The following TBC1D2B variants were observed in gnomAD, a reference collection of about 807,000 sequenced individuals.
TBC1D2B encodes TBC1 domain family member 2B.
TBC1D2B carries 64 observed loss-of-function variants against 100.8 expected under a neutral mutation model. That is an observed-to-expected ratio of 0.64 (90% CI 0.52 to 0.78). The LOEUF (loss-of-function observed/expected upper bound fraction) is 0.78. TBC1D2B is among the 30% of genes least tolerant of loss of function. TBC1D2B has a pLI of 0.00. For synonymous variants in TBC1D2B, 480 were observed against 479.7 expected (o/e 1.00, Z -0.01); for missense variants, 1,052 against 1,218.4 (o/e 0.86, Z 2.03).
intron 9 of TBC1D2B, among the ~76,000 whole-genome samples, chr15:78,011,144 C>T (rs1436665521): frequency 2.6e-5 from 4 of 152,174 alleles, no homozygotes; most frequent in Non-Finnish European, 5.9e-5. Context: ...CTAGGAGTAG[C>T]TATAGTCCCT....
At chr15:78,026,944 G>T (rs534683097) in intron 4 of TBC1D2B, among the ~76,000 whole-genome samples, 3 of 151,602 alleles carry the variant, frequency 2.0e-5, no homozygotes, top group African/African-American at 7.3e-5. Context: ...CGTCAGGCCA[G>T]GCACAGTGGT....
rs746870720 is a variant in TBC1D2B, at chr15:78,016,574, G to A, written c.1747C>T (p.Gln583Ter). 6.2e-7 allele frequency: 1 copy of A among 1,612,776 alleles called. No homozygotes were observed. Among genetic ancestry groups the A allele is most frequent in the Non-Finnish European group, 8.5e-7 (1 of 1,179,588 alleles). The change falls in exon 8 of 13, where the codon CAA (glutamine) becomes TAA (stop). Residue 583 changes from glutamine (Q) to a stop codon, truncating the protein, a stop_gained. Transcript: ENST00000300584. LOFTEE classifies it high-confidence loss of function. ...LQVESQEQPE[Q>*]AFVKPHLVSE... ...ACAAGATGAGGTTTAACAAATGCTTGCTCCGGCTGCTCTTGGCTCTCAACC... is the reference window on the plus strand; with the variant it reads ...ACAAGATGAGGTTTAACAAATGCTTACTCCGGCTGCTCTTGGCTCTCAACC...
chr15:78,004,570 G>A (rs768675746), intron 10 of TBC1D2B, among the ~76,000 whole-genome samples: 10 of 152,172 alleles, frequency 6.6e-5, no homozygotes, highest in South Asian at 2.1e-4. Flanking sequence ...CCCACTCCAC[G>A]TGAACCGGTA....
chr15:78,052,321 A>C (rs1378981477), intron 2 of TBC1D2B, among the ~76,000 whole-genome samples: 1 of 152,158 alleles, frequency 6.6e-6, no homozygotes, highest in Non-Finnish European at 1.5e-5. Flanking sequence ...CCATGGTACC[A>C]GCATGCACCC....
intron 10 of TBC1D2B, among the ~76,000 whole-genome samples, chr15:78,003,969 T>C (rs1369862779): frequency 6.6e-6 from 1 of 152,018 alleles, no homozygotes; most frequent in Non-Finnish European, 1.5e-5. Context: ...GCAGTGGGGG[T>C]GGCGAGGACT....
chr15:78,038,704 C>T (rs556471635), intron 3 of TBC1D2B, among the ~76,000 whole-genome samples: 2 of 152,332 alleles, frequency 1.3e-5, no homozygotes, highest in South Asian at 2.1e-4. Flanking sequence ...CAACCGGAGA[C>T]ATGGCCCAAT....
At position 77,998,370 on chromosome 15, in the gene TBC1D2B, G is replaced by A. The variant is rs151332635; in HGVS notation, c.2697-15C>T. The A allele has an allele frequency of 1.2e-3, 1,817 of 1,556,760 alleles. 26 individuals are homozygous for A. The African/African-American group carries it at 0.022, about 19-fold the overall frequency. ...TGATCAGCTTCCTGGCAGGACGCAG[G>A]GGAGAGACAAGAGAATCAGCGGCGC... On this transcript the variant is annotated splice_polypyrimidine_tract_variant and intron_variant, in intron 12 of 12. Coordinates refer to ENST00000300584, the MANE Select transcript of TBC1D2B (RefSeq NM_144572.2).
intron 1 of TBC1D2B, among the ~76,000 whole-genome samples, chr15:78,063,127 C>T (rs2073583157): frequency 6.6e-6 from 1 of 152,182 alleles, no homozygotes; most frequent in Non-Finnish European, 1.5e-5. Context: ...CGATAACCCA[C>T]TTAACATGTG....
At chr15:77,999,155 C>A in intron 12 of TBC1D2B, 1 of 389,876 alleles carries the variant, frequency 2.6e-6, no homozygotes, top group Non-Finnish European at 5.3e-6. Context: ...CTGCCAGGCC[C>A]CAAATGCTTT....
At position 78,003,482 on chromosome 15, in the gene TBC1D2B, C is replaced by T; in HGVS notation, c.2397G>A (p.Gln799=). 5 of 1,607,530 alleles carry T rather than the reference C, an allele frequency of 3.1e-6. No homozygotes were observed. Among genetic ancestry groups the T allele is most frequent in the Non-Finnish European group, 3.4e-6 (4 of 1,174,406 alleles). Residue 799 remains glutamine (Q), a synonymous_variant, in exon 11 of 13, where the codon CAG becomes CAA. Transcript: ENST00000300584. ...TKTLLGSQVD[Q]RVFRDLMSEK... is the part of the protein sequence containing the mutation. ...CACTCATAAGGTCTCTGAACACCCG[C>T]TGGTCCACCTGGAGAGGGAACAAAG...
Position 77,998,671 on chromosome 15 carries a change from G to C in TBC1D2B, c.2697-316C>G, listed in dbSNP as rs2071830304. ...GGTAAGAGTAGTGCCACCTCCTAGG[G>C]TGTGGGATTACTCGTGTTCCCACAC... On this transcript the variant is annotated intron_variant, in intron 12 of 12. Transcript: ENST00000300584. 1.4e-5 allele frequency: 4 copies of C among 284,308 alleles called. No homozygotes were observed. In the South Asian group the frequency reaches 2.7e-4, roughly 19 times the overall value. The allele number at this position is 284,308 out of a possible 1,614,324, so 17.6% of individuals were successfully genotyped here. A position where few individuals can be genotyped will look rare whatever the true frequency, so the allele number is the denominator to read the frequency against.
chr15:78,068,383 C>CACACACA (rs2073693270), intron 1 of TBC1D2B, among the ~76,000 whole-genome samples: 23 of 143,110 alleles, frequency 1.6e-4, no homozygotes, highest in Non-Finnish European at 2.4e-4. Context: ...CACACCACAC[C>CACACACA]CACACACACA....
At chr15:78,020,640 G>A (rs2072493826) in intron 6 of TBC1D2B, among the ~76,000 whole-genome samples, 1 of 152,188 alleles carries the variant, frequency 6.6e-6, no homozygotes, top group South Asian at 2.1e-4. Context: ...AATCCAACCT[G>A]GGCTGGCTCC....
chr15:78,015,617 C>A (rs953541592), intron 8 of TBC1D2B, among the ~76,000 whole-genome samples: 4 of 152,194 alleles, frequency 2.6e-5, no homozygotes, highest in African/African-American at 9.7e-5. Flanking sequence ...ACTATCCAGG[C>A]TGAGGGCCTG....
intron 1 of TBC1D2B, among the ~76,000 whole-genome samples, chr15:78,068,112 G>C (rs2073687944): frequency 6.6e-6 from 1 of 152,164 alleles, no homozygotes; most frequent in Non-Finnish European, 1.5e-5. Flanking sequence ...TTGCAGACAT[G>C]TGATATTTAT....
intron 3 of TBC1D2B, among the ~76,000 whole-genome samples, chr15:78,033,904 A>G (rs2141729464): frequency 6.6e-6 from 1 of 152,344 alleles, no homozygotes; most frequent in South Asian, 2.1e-4. Context: ...AAATTATATA[A>G]CACGCTTATG....
chr15:78,061,476 C>G (rs7175235), intron 1 of TBC1D2B, among the ~76,000 whole-genome samples: 134,823 of 151,728 alleles, frequency 0.89, 60,607 homozygotes, highest in East Asian at 0.99. Context: ...AGAAGGCTGA[C>G]GTGGGAGAAT....
intron 4 of TBC1D2B, among the ~76,000 whole-genome samples, chr15:78,026,838 T>C (rs900806984): frequency 1.7e-4 from 26 of 151,570 alleles, no homozygotes; most frequent in Non-Finnish European, 3.1e-4. Context: ...GAGGCAAAGT[T>C]TGCAGTGAGC....
intron 6 of TBC1D2B, 24 bp from the exon 7 acceptor site, chr15:78,017,981 T>A: frequency 7.8e-7 from 1 of 1,275,494 alleles, no homozygotes; most frequent in Non-Finnish European, 1.1e-6. Flanking sequence ...AAAAAATCCC[T>A]GAATTCACAT....
Sources: gnomAD v4.1 joint callset for allele counts (sites outside exome capture counted in the v4.1 genomes callset) on GRCh38, gnomAD v4.1.1 for gene constraint, MANE v1.5 for transcripts, NCBI Gene and HGNC (gene_info 2026-07-23, HGNC 2026-07-21) for gene names.